Variants in ZNF672 observed in about 807,000 individuals in gnomAD.
ZNF672 encodes the protein hypothetical protein FLJ22301.
For missense variants in ZNF672, 733 were observed against 701.1 expected (o/e 1.05, Z -0.51); for synonymous variants, 358 against 305.6 (o/e 1.17, Z -1.79).
rs146067719 is a variant in ZNF672, at chr1:248,841,361, G to T, written c.-475+2810G>T. 3.1e-3 allele frequency among the ~76,000 whole-genome samples: 479 copies of T among 152,292 alleles called. 4 individuals carry two copies. Among genetic ancestry groups the T allele is most frequent in the Middle Eastern group, 0.014 (4 of 294 alleles). On this transcript the variant is annotated intron_variant, in intron 1 of 3. Coordinates refer to ENST00000306562, the MANE Select transcript of ZNF672 (RefSeq NM_024836.3). ...GATCTGGGGGGCTCTGGCCACTCTGGGCTTCAATGTTGCCTGTGTCTCAGA... is the reference window on the plus strand; with the variant it reads ...GATCTGGGGGGCTCTGGCCACTCTGTGCTTCAATGTTGCCTGTGTCTCAGA...
At chr1:248,839,732 ATT>A (rs774234469) in intron 1 of ZNF672, among the ~76,000 whole-genome samples, 159 of 113,880 alleles carry the variant, frequency 1.4e-3, no homozygotes, top group African/African-American at 5.0e-3. Context: ...AGTGTTAGCA[ATT>A]TTTTTTTTTT....
At position 248,848,282 on chromosome 1, in the gene ZNF672, G is replaced by A. The variant is rs1659233096; in HGVS notation, c.1008G>A (p.Glu336=). ...AGCACCGGCGCACGCACACGGGCGA[G>A]AAGCCCTACCGCTGCGAACTGTGCG... is the stretch of plus-strand genomic sequence containing the variant. ...LTKHRRTHTG[E]KPYRCELCGK... Residue 336 remains glutamate (E), a synonymous_variant, in exon 4 of 4, where the codon GAG becomes GAA. Coordinates refer to ENST00000306562, the MANE Select transcript of ZNF672 (RefSeq NM_024836.3). 4.4e-6 allele frequency: 7 copies of A among 1,603,078 alleles called. No homozygotes were observed. In the South Asian group the frequency reaches 7.7e-5, roughly 18 times the overall value.
rs778358825 is a variant in ZNF672, at chr1:248,848,227, G to A, written c.953G>A (p.Arg318His). 2.5e-6 allele frequency: 4 copies of A among 1,599,718 alleles called. No homozygotes were observed. The highest frequency in any genetic ancestry group is 3.4e-6 in the Non-Finnish European group (4 of 1,176,832). ...CCCTTCGCGTGCCCCGAGTGCGGCC[G>A]CCGCTTCAGCGACCGCTCGGACCTC... is the stretch of plus-strand genomic sequence containing the variant. The part of the protein sequence containing the change: ...EKPFACPECG[R>H]RFSDRSDLTK... The change falls in exon 4 of 4, where the codon CGC (arginine) becomes CAC (histidine). Residue 318 changes from arginine (R) to histidine (H), a missense_variant. By Grantham distance (29) the Arg-to-His change is conservative (BLOSUM62 0). Transcript: ENST00000306562.
rs1216939575 is a variant in ZNF672 at position 248,847,360 on chromosome 1, T to G, written c.86T>G (p.Leu29Arg). The G allele has an allele frequency of 6.2e-7, 1 of 1,612,466 alleles. No homozygotes were observed. The highest frequency in any genetic ancestry group is 1.3e-5 in the African/African-American group (1 of 75,040). ...AAGAGCTTCTGCTACAGCTCAGTGC[T>G]GCTGCGACATGAACGAGCTCACGGC... ...CGKSFCYSSV[L>R]LRHERAHGGD... Residue 29 changes from leucine to arginine, a missense_variant, in exon 4 of 4, where the codon CTG (leucine) becomes CGG (arginine). By Grantham distance (102) the Leu-to-Arg change is moderately radical. Coordinates refer to ENST00000306562, the MANE Select transcript of ZNF672 (RefSeq NM_024836.3).
chr1:248,846,642 G>A (rs1422612923), intron 3 of ZNF672, among the ~76,000 whole-genome samples: 1 of 152,154 alleles, frequency 6.6e-6, no homozygotes, highest in African/African-American at 2.4e-5. Flanking sequence ...GCTGGGTTTT[G>A]GAGGAAGGCG....
intron 1 of ZNF672, among the ~76,000 whole-genome samples, chr1:248,840,805 CTG>C (rs1211811104): frequency 3.3e-5 from 5 of 149,392 alleles, no homozygotes; most frequent in Non-Finnish European, 7.4e-5. Context: ...GGTACGATGA[CTG>C]TAGTCAGAGT....
At chr1:248,841,139 A>G (rs769635911) in intron 1 of ZNF672, among the ~76,000 whole-genome samples, 1 of 150,840 alleles carries the variant, frequency 6.6e-6, no homozygotes, top group Non-Finnish European at 1.5e-5. Context: ...CTGTAGTCAG[A>G]GTATTTGTAT....
rs1463900214 is a variant in ZNF672 at position 248,844,532 on chromosome 1, G to A, written c.-425G>A. ...TTGCCTGTGGGATGAGCTCCAGCAT[G>A]GGGTGAGGTACAGAAGAGAGACTTG... On this transcript the variant is annotated 5_prime_UTR_variant, in exon 2 of 4. An upstream start codon of the reference 5' UTR is lost. Coordinates refer to ENST00000306562, the MANE Select transcript of ZNF672 (RefSeq NM_024836.3). 6.6e-6 allele frequency: 1 copy of A among 152,224 alleles called. No individual in the cohort carries two copies. The highest frequency in any genetic ancestry group is 1.5e-5 in the Non-Finnish European group (1 of 68,050). The allele number at this position is 152,224 out of a possible 1,614,324, so 9.4% of individuals were successfully genotyped here.
At position 248,847,690 on chromosome 1, in the gene ZNF672, A is replaced by G. The variant is rs1473336064; in HGVS notation, c.416A>G (p.Gln139Arg). The change falls in exon 4 of 4, where the codon CAG (glutamine) becomes CGG (arginine). Residue 139 changes from glutamine (Q) to arginine (R), a missense_variant. Transcript: ENST00000306562. ...CCGCTGTGCGCCCGCACCTTCCGGCAGAGCGCGCTGCTCTTCCACCAGGCG... is the reference window on the plus strand; with the variant it reads ...CCGCTGTGCGCCCGCACCTTCCGGCGGAGCGCGCTGCTCTTCCACCAGGCG... ...RCPLCARTFR[Q>R]SALLFHQARA... is the part of the protein sequence containing the mutation. The G allele has an allele frequency of 2.1e-6, 3 of 1,456,168 alleles. No individual in the cohort carries two copies. Among genetic ancestry groups the G allele is most frequent in the Non-Finnish European group, 1.8e-6 (2 of 1,108,834 alleles). 90.2% of individuals were successfully genotyped at this position (1,456,168 alleles called of 1,614,324 possible).
rs901243748 is a variant in ZNF672 at position 248,848,669 on chromosome 1, T to C, written c.*36T>C. On this transcript the variant is annotated 3_prime_UTR_variant, in exon 4 of 4. Coordinates refer to ENST00000306562, the MANE Select transcript of ZNF672 (RefSeq NM_024836.3). ...CTTGCTGAGGCTTCTCTAAAGGTGG[T>C]TGGGCAAGCACCTATATAGTATCAC... is the stretch of plus-strand genomic sequence containing the variant. The C allele has an allele frequency of 6.5e-7, 1 of 1,533,004 alleles. No individual in the cohort carries two copies. Among genetic ancestry groups the C allele is most frequent in the Non-Finnish European group, 8.8e-7 (1 of 1,141,444 alleles). 95.0% of individuals were successfully genotyped at this position (1,533,004 alleles called of 1,614,324 possible). A position where few individuals can be genotyped will look rare whatever the true frequency, so the allele number is the denominator to read the frequency against.
Position 248,849,057 on chromosome 1 carries a change from C to A in ZNF672, c.*424C>A. ...CCTGATTACTTTTGTTGTCCTGCCT[C>A]TTCAGGTAATGGTCACAGATTTGGC... is the stretch of plus-strand genomic sequence containing the variant. On this transcript the variant is annotated 3_prime_UTR_variant, in exon 4 of 4. Transcript: ENST00000306562. 2 of 485,546 alleles carry A rather than the reference C, an allele frequency of 4.1e-6. No individual in the cohort carries two copies. The allele number at this position is 485,546 out of a possible 1,614,324, so 30.1% of individuals were successfully genotyped here.
At chr1:248,843,952 C>T (rs527823025) in intron 1 of ZNF672, among the ~76,000 whole-genome samples, 1 of 152,258 alleles carries the variant, frequency 6.6e-6, no homozygotes, top group South Asian at 2.1e-4. Context: ...CCAGGTTTAC[C>T]AACTCTGACT....
At position 248,848,366 on chromosome 1, in the gene ZNF672, C is replaced by T. The variant is rs770270186; in HGVS notation, c.1092C>T (p.His364=). Residue 364 remains histidine, a synonymous_variant, in exon 4 of 4, where the codon CAC becomes CAT. Transcript: ENST00000306562. Reference sequence around the variant, plus strand: ...TGCATCGGCGCAACCATGCCGGCCACAAGCCACACAAATGCCCCGAGTGCA... The same window carrying T: ...TGCATCGGCGCAACCATGCCGGCCATAAGCCACACAAATGCCCCGAGTGCA... ...LNVHRRNHAG[H]KPHKCPECSK... 1 of 1,601,642 alleles carries T rather than the reference C, an allele frequency of 6.2e-7. No individual in the cohort carries two copies. Among genetic ancestry groups the T allele is most frequent in the Non-Finnish European group, 8.5e-7 (1 of 1,179,712 alleles).
chr1:248,848,301 C>G lies in ZNF672; in HGVS notation c.1027C>G (p.Leu343Val). The change falls in exon 4 of 4, where the codon CTG (leucine) becomes GTG (valine). Residue 343 changes from leucine to valine, a missense_variant. By Grantham distance (32) the Leu-to-Val change is conservative. Coordinates refer to ENST00000306562, the MANE Select transcript of ZNF672 (RefSeq NM_024836.3). ...HTGEKPYRCE[L>V]CGKRFTCVSN... Reference sequence around the variant, plus strand: ...GGGCGAGAAGCCCTACCGCTGCGAACTGTGCGGCAAGCGGTTCACGTGCGT... The same window carrying G: ...GGGCGAGAAGCCCTACCGCTGCGAAGTGTGCGGCAAGCGGTTCACGTGCGT... 1.2e-6 allele frequency: 2 copies of G among 1,602,646 alleles called. No homozygotes were observed. Among genetic ancestry groups the G allele is most frequent in the Non-Finnish European group, 8.5e-7 (1 of 1,179,648 alleles).
At chr1:248,842,735 G>A (rs1021837481) in intron 1 of ZNF672, 1 of 152,248 alleles carries the variant, frequency 6.6e-6, no homozygotes, top group South Asian at 2.1e-4. Flanking sequence ...CAGTCTAGGG[G>A]TATCACAGAA....
chr1:248,846,235 A>G (rs896030063), intron 3 of ZNF672, among the ~76,000 whole-genome samples: 5 of 152,212 alleles, frequency 3.3e-5, no homozygotes, highest in African/African-American at 1.2e-4. Context: ...ATATCCTGAC[A>G]ATTATTATAG....
intron 1 of ZNF672, among the ~76,000 whole-genome samples, chr1:248,844,109 AATT>A (rs1402992513): frequency 6.8e-6 from 1 of 147,322 alleles, no homozygotes; most frequent in Non-Finnish European, 1.5e-5. Flanking sequence ...TTTTCTTTTC[AATT>A]ATTATTAAGG....
Position 248,848,570 on chromosome 1 carries a change from G to A in ZNF672, c.1296G>A (p.Val432=), listed in dbSNP as rs948968212. The change falls in exon 4 of 4, where the codon GTG becomes GTA. Residue 432 remains valine, a synonymous_variant. Coordinates refer to ENST00000306562, the MANE Select transcript of ZNF672 (RefSeq NM_024836.3). The part of the protein sequence containing the change: ...TAAAVAIQSA[V]GTALVFEGPA... ...CCGCCGTTGCCATCCAGTCCGCAGT[G>A]GGCACTGCCCTCGTCTTTGAGGGGC... The A allele has an allele frequency of 1.9e-6, 3 of 1,598,770 alleles. No homozygotes were observed. Among genetic ancestry groups the A allele is most frequent in the Non-Finnish European group, 2.6e-6 (3 of 1,170,346 alleles).
rs1404837121 is a variant in ZNF672 at position 248,848,008 on chromosome 1, A to G, written c.734A>G (p.His245Arg). 2.6e-6 allele frequency: 4 copies of G among 1,556,202 alleles called. No homozygotes were observed. The highest frequency in any genetic ancestry group is 3.8e-5 in the Admixed American group (2 of 52,022). Reference sequence around the variant, plus strand: ...CTGGAGAGCGCCACGCTGGTGCGCCACCAGCGCACACACACGGGCGAGAAG... The same window carrying G: ...CTGGAGAGCGCCACGCTGGTGCGCCGCCAGCGCACACACACGGGCGAGAAG... ...GFLESATLVR[H>R]QRTHTGEKPY... The change falls in exon 4 of 4, where the codon CAC becomes CGC. Residue 245 changes from histidine (H) to arginine (R), a missense_variant. By Grantham distance (29) the His-to-Arg change is conservative. Transcript: ENST00000306562.
Sources: allele counts gnomAD v4.1 joint callset (sites outside exome capture counted in the v4.1 genomes callset), GRCh38; gene constraint gnomAD v4.1.1; transcripts MANE v1.5; gene names NCBI Gene and HGNC (gene_info 2026-07-23, HGNC 2026-07-21).